The following USP36 variants were observed in gnomAD, a reference collection of about 807,000 sequenced individuals.
USP36 encodes ubiquitin carboxyl-terminal hydrolase 36.
USP36 carries 59 observed loss-of-function variants against 111.5 expected under a neutral mutation model. That is an observed-to-expected ratio of 0.53 (90% CI 0.43 to 0.66). The LOEUF (loss-of-function observed/expected upper bound fraction) is 0.66, where lower values mean the gene tolerates loss of function less well. Among genes scored for constraint, USP36 ranks in the 30% least tolerant of loss-of-function variants. The probability of loss-of-function intolerance (pLI) is 0.00; values close to 1 mark genes in which losing one functional copy is unlikely to be tolerated. For missense variants in USP36, 1,488 were observed against 1,468.0 expected (o/e 1.01, Z -0.22); for synonymous variants, 628 against 581.0 (o/e 1.08, Z -1.16).
intron 12 of USP36, among the ~76,000 whole-genome samples, chr17:78,813,229 G>C (rs2094109269): frequency 1.3e-5 from 2 of 151,180 alleles, no homozygotes; most frequent in Non-Finnish European, 2.9e-5. Context: ...ATTAGAGTCA[G>C]AATTCCTCCA....
intron 4 of USP36, among the ~76,000 whole-genome samples, chr17:78,833,589 TCA>T (rs2068359412): frequency 1.3e-5 from 2 of 152,120 alleles, no homozygotes; most frequent in South Asian, 4.1e-4. Flanking sequence ...TCTCAAAAAC[TCA>T]CAGTTACTAA....
chr17:78,790,999 G>A (rs1349393305), downstream of USP36, among the ~76,000 whole-genome samples: 3 of 152,190 alleles, frequency 2.0e-5, no homozygotes, highest in South Asian at 2.1e-4. Flanking sequence ...GACATGTATC[G>A]TGAGAGTGAC....
At chr17:78,793,241 G>C (rs575006262), downstream of USP36, among the ~76,000 whole-genome samples, 65 of 152,246 alleles carry the variant, frequency 4.3e-4, no homozygotes, top group African/African-American at 1.4e-3. Flanking sequence ...AATTCTTGAG[G>C]TAGCCTTGGA....
intron 6 of USP36, among the ~76,000 whole-genome samples, chr17:78,825,457 T>C (rs2067449957): frequency 6.6e-6 from 1 of 152,124 alleles, no homozygotes. Flanking sequence ...GAAAGCTCCC[T>C]CATGGACCGA....
intron 12 of USP36, 67 bp from the exon 13 acceptor site, chr17:78,813,068 A>G: frequency 1.9e-6 from 3 of 1,599,270 alleles, no homozygotes; most frequent in Non-Finnish European, 1.7e-6. Context: ...GAGAATTAGA[A>G]TAAGTTAAGG....
At chr17:78,828,822 T>A in intron 5 of USP36, 75 bp downstream of exon 5, 1 of 1,430,656 alleles carries the variant, frequency 7.0e-7, no homozygotes, top group Non-Finnish European at 9.5e-7. Context: ...CTGGGCAACA[T>A]AGCGAGAACC....
chr17:78,802,459 G>T lies in USP36; in HGVS notation c.2887C>A (p.Gln963Lys). The T allele has an allele frequency of 6.3e-7, 1 of 1,590,482 alleles. No individual in the cohort carries two copies. The highest frequency in any genetic ancestry group is 8.6e-7 in the Non-Finnish European group (1 of 1,166,394). Reference protein sequence around the residue: ...PRKKKKKKRKQETQRAVEEDG... With the variant: ...PRKKKKKKRKKETQRAVEEDG... ...TCTTCTACTGCCCGCTGTGTCTCCTGCTTTCTTTTTTTCTTTTTCTTTTTC... is the reference window on the plus strand; with the variant it reads ...TCTTCTACTGCCCGCTGTGTCTCCTTCTTTCTTTTTTTCTTTTTCTTTTTC... The change falls in exon 17 of 21, where the codon CAG (glutamine) becomes AAG (lysine). Residue 963 changes from glutamine (Q) to lysine (K), a missense_variant. Coordinates refer to ENST00000449938, the MANE Select transcript of USP36 (RefSeq NM_001385174.1).
rs556348423 is a variant in USP36 at position 78,811,356 on chromosome 17, T to C, written c.1407+1504A>G. Among the ~76,000 whole-genome samples, 7 of 152,282 alleles carry C rather than the reference T, an allele frequency of 4.6e-5. No individual in the cohort carries two copies. In the South Asian group the frequency reaches 1.5e-3, roughly 32 times the overall value. On this transcript the variant is annotated intron_variant, in intron 13 of 20. Coordinates refer to ENST00000449938, the MANE Select transcript of USP36 (RefSeq NM_001385174.1). Reference sequence around the variant, plus strand: ...ACCTTTATCATCCTCTCTCTGTATGTATATGTACGTGTGTATATATGTATG... The same window carrying C: ...ACCTTTATCATCCTCTCTCTGTATGCATATGTACGTGTGTATATATGTATG...
intron 6 of USP36, among the ~76,000 whole-genome samples, chr17:78,823,596 G>C (rs564371060): frequency 4.6e-5 from 7 of 152,290 alleles, no homozygotes; most frequent in African/African-American, 1.7e-4. Flanking sequence ...CGGAATCACA[G>C]CTGCAAAGGG....
At chr17:78,830,841 C>T (rs2068017689) in intron 4 of USP36, among the ~76,000 whole-genome samples, 1 of 151,712 alleles carries the variant, frequency 6.6e-6, no homozygotes, top group Admixed American at 6.6e-5. Flanking sequence ...CTTCTGCTTG[C>T]CTTTTCTAAC....
intron 15 of USP36, among the ~76,000 whole-genome samples, chr17:78,805,331 G>A (rs557923646): frequency 6.6e-6 from 1 of 152,302 alleles, no homozygotes; most frequent in East Asian, 1.9e-4. Context: ...GCCCTCCCAC[G>A]TACACAAATC....
At chr17:78,804,625 TAAA>T (rs35371422) in intron 15 of USP36, among the ~76,000 whole-genome samples, 2 of 38,310 alleles carry the variant, frequency 5.2e-5, no homozygotes, top group Non-Finnish European at 9.6e-5. Context: ...CCCTGAGATT[TAAA>T]AAAAAAAAAA....
chr17:78,810,328 C>T (rs753630462), intron 13 of USP36, among the ~76,000 whole-genome samples: 4 of 152,102 alleles, frequency 2.6e-5, no homozygotes, highest in Non-Finnish European at 5.9e-5. Context: ...TGCTCTGTTG[C>T]CCAGGCTGGT....
intron 6 of USP36, among the ~76,000 whole-genome samples, chr17:78,826,265 C>T (rs1453224660): frequency 6.6e-6 from 1 of 152,218 alleles, no homozygotes; most frequent in Non-Finnish European, 1.5e-5. Context: ...AATGGTGGCT[C>T]ATGCCTGTAA....
chr17:78,807,760 A>G lies in USP36; in HGVS notation c.1408-124T>C, dbSNP rs142705072. 6.3e-3 allele frequency: 6,159 copies of G among 976,916 alleles called. 23 individuals are homozygous for G. The highest frequency in any genetic ancestry group is 0.01 in the Middle Eastern group (40 of 3,892). 60.5% of individuals were successfully genotyped at this position (976,916 alleles called of 1,614,324 possible). ...CCTCTGATTAGCATGCTCAAGATAA[A>G]TTATTTATCTGGACTCTTGGTAAAG... On this transcript the variant is annotated intron_variant, in intron 13 of 20. Transcript: ENST00000449938.
At chr17:78,799,210 C>T (rs1031817096) in intron 18 of USP36, among the ~76,000 whole-genome samples, 187 bp from the exon 19 acceptor site, 3 of 152,212 alleles carry the variant, frequency 2.0e-5, no homozygotes, top group Non-Finnish European at 4.4e-5. Context: ...CAGCATGGAA[C>T]CCCCAGCGAT....
intron 4 of USP36, among the ~76,000 whole-genome samples, chr17:78,834,897 T>C (rs28409751): frequency 0.055 from 8,415 of 151,674 alleles, 746 homozygotes; most frequent in African/African-American, 0.19. Flanking sequence ...GGGAGGATCA[T>C]GTGAGCCCAG....
At chr17:78,819,742 T>C (rs2094273556) in intron 9 of USP36, among the ~76,000 whole-genome samples, 188 bp downstream of exon 9, 1 of 152,280 alleles carries the variant, frequency 6.6e-6, no homozygotes, top group South Asian at 2.1e-4. Context: ...ACTGTAGCTA[T>C]AAAAATCATA....
chr17:78,837,544 G>A (rs1053785511), intron 2 of USP36, among the ~76,000 whole-genome samples: 1 of 152,080 alleles, frequency 6.6e-6, no homozygotes, highest in Non-Finnish European at 1.5e-5. Flanking sequence ...ACAGAGGATC[G>A]ATACTGTTGG....
Sources: gnomAD v4.1 joint callset for allele counts (sites outside exome capture counted in the v4.1 genomes callset) on GRCh38, gnomAD v4.1.1 for gene constraint, MANE v1.5 for transcripts, NCBI Gene and HGNC (gene_info 2026-07-23, HGNC 2026-07-21) for gene names.